LRRC4C: variants seen among roughly 807,000 people sequenced by gnomAD.
LRRC4C encodes the protein leucine rich repeat containing 4C.
Under a neutral mutation model 33.6 loss-of-function variants are expected in LRRC4C, and 5 were observed. The observed-to-expected ratio is 0.15, with a 90% CI of 0.08 to 0.31. The LOEUF (loss-of-function observed/expected upper bound fraction) is 0.31. Ranked by LOEUF, LRRC4C falls within the 10% of genes least tolerant of loss-of-function variation. The pLI is 1.00. For synonymous variants in LRRC4C, 329 were observed against 302.0 expected (o/e 1.09, Z -0.93); for missense variants, 560 against 796.7 (o/e 0.70, Z 3.58).
chr11:41,082,602 A>C (rs1939663431), intron 1 of LRRC4C, among the ~76,000 whole-genome samples: 1 of 152,144 alleles, frequency 6.6e-6, no homozygotes, highest in Non-Finnish European at 1.5e-5. Flanking sequence ...TGTGATGGCA[A>C]ATAAGATTAA....
chr11:41,294,603 A>G (rs1379674853), intron 1 of LRRC4C, among the ~76,000 whole-genome samples: 3 of 152,142 alleles, frequency 2.0e-5, no homozygotes, highest in African/African-American at 7.2e-5. Context: ...GGTAAGATTT[A>G]CTCTATCATA....
chr11:40,233,438 T>G (rs1433543048), intron 5 of LRRC4C, among the ~76,000 whole-genome samples: 3 of 152,216 alleles, frequency 2.0e-5, no homozygotes, highest in Non-Finnish European at 4.4e-5. Context: ...GAGCATAGTA[T>G]ATAGCACATT....
chr11:40,701,642 A>C (rs1224867026), intron 2 of LRRC4C, among the ~76,000 whole-genome samples: 1 of 149,364 alleles, frequency 6.7e-6, no homozygotes, highest in Non-Finnish European at 1.5e-5. Context: ...AAATATATAT[A>C]TATATAAAAC....
chr11:40,465,142 C>T (rs1487481096), intron 3 of LRRC4C, among the ~76,000 whole-genome samples: 1 of 151,846 alleles, frequency 6.6e-6, no homozygotes, highest in Non-Finnish European at 1.5e-5. Flanking sequence ...ATAGAGAATC[C>T]AGAAATCAAG....
intron 3 of LRRC4C, among the ~76,000 whole-genome samples, chr11:40,372,188 A>G (rs1290891070): frequency 1.3e-5 from 2 of 152,180 alleles, no homozygotes; most frequent in East Asian, 3.9e-4. Context: ...TCATTCCCCA[A>G]AGAGGTTAAA....
intron 3 of LRRC4C, among the ~76,000 whole-genome samples, chr11:40,511,420 T>C (rs1955309609): frequency 6.6e-6 from 1 of 152,150 alleles, no homozygotes; most frequent in African/African-American, 2.4e-5. Flanking sequence ...AGATAATTCA[T>C]AGGAAGCAGA....
intron 2 of LRRC4C, among the ~76,000 whole-genome samples, chr11:40,702,276 G>A (rs1049909387): frequency 9.9e-5 from 15 of 152,002 alleles, no homozygotes; most frequent in Non-Finnish European, 2.2e-4. Context: ...CATAGCAACA[G>A]GGCACTCTAA....
intron 3 of LRRC4C, among the ~76,000 whole-genome samples, chr11:40,520,400 A>C (rs1955760161): frequency 6.6e-6 from 1 of 152,114 alleles, no homozygotes; most frequent in African/African-American, 2.4e-5. Context: ...GAGATGTGTA[A>C]CTCTTCTTTT....
chr11:40,236,358 T>TGC (rs1865556961), intron 5 of LRRC4C, among the ~76,000 whole-genome samples: 1 of 152,206 alleles, frequency 6.6e-6, no homozygotes, highest in South Asian at 2.1e-4. Context: ...CTGTAATTAT[T>TGC]ATTTTCCTCA....
chr11:40,432,838 G>T (rs1950988072), intron 3 of LRRC4C, among the ~76,000 whole-genome samples: 1 of 152,134 alleles, frequency 6.6e-6, no homozygotes, highest in South Asian at 2.1e-4. Context: ...ATAAATAAAA[G>T]TGCTATTTAG....
At chr11:40,762,244 G>A (rs1044975260) in intron 2 of LRRC4C, among the ~76,000 whole-genome samples, 5 of 152,244 alleles carry the variant, frequency 3.3e-5, no homozygotes, top group Admixed American at 6.5e-5. Context: ...GTCATATCTT[G>A]CAGCATATAC....
At chr11:40,671,043 A>G (rs193240466) in intron 2 of LRRC4C, among the ~76,000 whole-genome samples, 450 of 152,316 alleles carry the variant, frequency 3.0e-3, no homozygotes, top group Non-Finnish European at 4.6e-3. Context: ...GATTACAGGC[A>G]TGAGCCACTG....
chr11:40,877,173 G>A (rs540964293), intron 2 of LRRC4C, among the ~76,000 whole-genome samples: 24 of 151,876 alleles, frequency 1.6e-4, no homozygotes, highest in Non-Finnish European at 2.8e-4. Flanking sequence ...ATGATACAGC[G>A]TAGAGGCTCA....
chr11:40,770,383 C>A (rs577867592), intron 2 of LRRC4C, among the ~76,000 whole-genome samples: 74 of 152,268 alleles, frequency 4.9e-4, no homozygotes, highest in African/African-American at 1.8e-3. Context: ...GATAGAATCA[C>A]CACCCACAAG....
chr11:40,354,971 G>C (rs115076825), intron 3 of LRRC4C, among the ~76,000 whole-genome samples: 1,738 of 152,208 alleles, frequency 0.011, 27 homozygotes, highest in African/African-American at 0.039. Context: ...GCACAGCCTT[G>C]GGTCTTACCC....
intron 1 of LRRC4C, among the ~76,000 whole-genome samples, chr11:41,017,031 G>A (rs1397947246): frequency 6.6e-6 from 1 of 152,002 alleles, no homozygotes. Context: ...TTTTCTCCAG[G>A]GGTAGGATCA....
At chr11:40,238,941 T>A (rs998983283) in intron 5 of LRRC4C, among the ~76,000 whole-genome samples, 14 of 152,174 alleles carry the variant, frequency 9.2e-5, no homozygotes, top group African/African-American at 3.4e-4. Flanking sequence ...TGTTATCCAT[T>A]ATCGGTAACA....
intron 2 of LRRC4C, among the ~76,000 whole-genome samples, chr11:40,799,012 A>T (rs1374706014): frequency 6.6e-6 from 1 of 152,156 alleles, no homozygotes; most frequent in African/African-American, 2.4e-5. Context: ...GTAAAATATA[A>T]TTTTTGTGAA....
chr11:40,883,371 T>C (rs7939937), intron 2 of LRRC4C, among the ~76,000 whole-genome samples: 3,779 of 152,108 alleles, frequency 0.025, 169 homozygotes, highest in African/African-American at 0.087. Flanking sequence ...CTAAAGTGAC[T>C]GGTCAGAGTC....
Sources: gnomAD v4.1 joint callset for allele counts (sites outside exome capture counted in the v4.1 genomes callset) on GRCh38, gnomAD v4.1.1 for gene constraint, MANE v1.5 for transcripts, NCBI Gene and HGNC (gene_info 2026-07-23, HGNC 2026-07-21) for gene names.